The following CDH13 variants were observed in gnomAD, a reference collection of about 807,000 sequenced individuals.
The protein encoded by CDH13 is cadherin 13, also known as cadherin-13.
A neutral mutation model predicts 63.8 loss-of-function variants in CDH13; 24 were observed. The observed-to-expected ratio is 0.38, with a 90% CI of 0.27 to 0.53. The LOEUF is 0.53. CDH13 is among the 20% of genes least tolerant of loss of function. The pLI is 0.85. For missense variants in CDH13, 1,049 were observed against 903.1 expected (o/e 1.16, Z -2.07); for synonymous variants, 503 against 355.3 (o/e 1.42, Z -4.67).
intron 5 of CDH13, among the ~76,000 whole-genome samples, chr16:83,237,329 A>G (rs559033464): frequency 4.5e-4 from 68 of 152,308 alleles, no homozygotes; most frequent in African/African-American, 1.5e-3. Flanking sequence ...AGCAGAAGCT[A>G]GTGACCACGA....
intron 1 of CDH13, among the ~76,000 whole-genome samples, chr16:82,685,058 G>T (rs899911006): frequency 2.0e-5 from 3 of 152,214 alleles, no homozygotes; most frequent in Admixed American, 1.3e-4. Flanking sequence ...CGGTAAACCT[G>T]CAATAACTCA....
intron 6 of CDH13, among the ~76,000 whole-genome samples, chr16:83,409,880 C>T (rs2092101736): frequency 1.3e-5 from 2 of 152,152 alleles, no homozygotes; most frequent in African/African-American, 2.4e-5. Flanking sequence ...TGTCCAGTTG[C>T]TTAACCAGAT....
intron 2 of CDH13, among the ~76,000 whole-genome samples, chr16:82,934,511 T>A (rs182928491): frequency 6.6e-6 from 1 of 152,340 alleles, no homozygotes; most frequent in Non-Finnish European, 1.5e-5. Flanking sequence ...ATTGTCTTGG[T>A]GATTAACATT....
intron 11 of CDH13, 150 bp downstream of exon 11, chr16:83,748,400 G>C: frequency 1.5e-6 from 1 of 664,720 alleles, no homozygotes; most frequent in Non-Finnish European, 2.5e-6. Context: ...ATATACACAT[G>C]TTGAGTTCAG....
intron 4 of CDH13, among the ~76,000 whole-genome samples, chr16:83,147,112 A>G (rs13337845): frequency 0.015 from 2,276 of 152,224 alleles, 65 homozygotes; most frequent in African/African-American, 0.052. Context: ...TGGAGGCTGC[A>G]CTCCAAAGGT....
At chr16:82,698,835 G>A (rs1378286869) in intron 1 of CDH13, among the ~76,000 whole-genome samples, 2 of 152,160 alleles carry the variant, frequency 1.3e-5, no homozygotes. Context: ...CCTTTAAAAG[G>A]ACAGATAGTA....
chr16:83,685,950 T>C (rs1292564448), intron 10 of CDH13, among the ~76,000 whole-genome samples: 1 of 152,230 alleles, frequency 6.6e-6, no homozygotes, highest in East Asian at 1.9e-4. Flanking sequence ...ACTAGGATGA[T>C]TAAAATACCT....
chr16:83,706,287 C>T (rs1395042835), intron 10 of CDH13, among the ~76,000 whole-genome samples: 1 of 152,182 alleles, frequency 6.6e-6, no homozygotes. Context: ...TTCTCTTTCG[C>T]CTTTTATGAT....
intron 2 of CDH13, among the ~76,000 whole-genome samples, chr16:82,928,066 C>G (rs541072198): frequency 6.6e-6 from 1 of 151,930 alleles, no homozygotes. Flanking sequence ...TGCCTCTCAG[C>G]GAGAGTAGCA....
intron 3 of CDH13, among the ~76,000 whole-genome samples, chr16:83,040,673 A>T (rs1214686246): frequency 1.3e-5 from 2 of 152,286 alleles, no homozygotes; most frequent in East Asian, 3.9e-4. Flanking sequence ...ACTGACTCAC[A>T]TGTTAATATC....
chr16:83,458,745 G>A lies in CDH13; in HGVS notation c.782-27732G>A, dbSNP rs1017045994. On this transcript the variant is annotated intron_variant, in intron 6 of 13. Coordinates refer to ENST00000567109, the MANE Select transcript of CDH13 (RefSeq NM_001257.5). ...ATACTGACACTTCTCAGTCCTGTTGGATGAATTCCCAATGGTGCGATTGCT... is the reference window on the plus strand; with the variant it reads ...ATACTGACACTTCTCAGTCCTGTTGAATGAATTCCCAATGGTGCGATTGCT... Among the ~76,000 whole-genome samples the A allele has an allele frequency of 1.3e-5, 2 of 152,114 alleles. 1 individual carries two copies. Among genetic ancestry groups the A allele is most frequent in the South Asian group, 4.2e-4 (2 of 4,812 alleles).
chr16:83,401,278 G>T (rs1389830505), intron 6 of CDH13, among the ~76,000 whole-genome samples: 2 of 151,742 alleles, frequency 1.3e-5, no homozygotes, highest in South Asian at 4.1e-4. Flanking sequence ...GGCAGAGGTT[G>T]CAGTAAGCCG....
intron 1 of CDH13, among the ~76,000 whole-genome samples, chr16:82,636,047 A>T (rs1908615520): frequency 1.3e-5 from 2 of 152,100 alleles, no homozygotes; most frequent in Non-Finnish European, 2.9e-5. Flanking sequence ...TTTATAAATT[A>T]CCCAGTCCCA....
intron 8 of CDH13, among the ~76,000 whole-genome samples, chr16:83,617,636 T>C (rs1477622123): frequency 2.0e-5 from 3 of 151,454 alleles, no homozygotes; most frequent in Non-Finnish European, 1.5e-5. Context: ...TTCTAATATA[T>C]ATTTCTAATA....
At chr16:83,117,719 T>A (rs2035372970) in intron 3 of CDH13, among the ~76,000 whole-genome samples, 1 of 152,180 alleles carries the variant, frequency 6.6e-6, no homozygotes, top group Non-Finnish European at 1.5e-5. Flanking sequence ...TCTCGCTCCT[T>A]CTCACGTTCT....
intron 1 of CDH13, among the ~76,000 whole-genome samples, chr16:82,817,918 TATGCACAC>T (rs1352720477): frequency 6.6e-6 from 1 of 151,574 alleles, no homozygotes. Flanking sequence ...TACATGCACA[TATGCACAC>T]ACCTATAATT....
At chr16:83,513,787 G>A (rs1054507395) in intron 7 of CDH13, among the ~76,000 whole-genome samples, 1 of 152,134 alleles carries the variant, frequency 6.6e-6, no homozygotes, top group African/African-American at 2.4e-5. Flanking sequence ...TTTGGGTGGG[G>A]ACACGGCCAA....
intron 1 of CDH13, among the ~76,000 whole-genome samples, chr16:82,680,236 C>G (rs1914398841): frequency 6.6e-6 from 1 of 152,324 alleles, no homozygotes; most frequent in African/African-American, 2.4e-5. Flanking sequence ...ATGAGAGTTA[C>G]TGCCATAACT....
At chr16:83,717,027 AG>A (rs11337708) in intron 10 of CDH13, 18,924 of 154,196 alleles carry the variant, frequency 0.12, 1,415 homozygotes, top group African/African-American at 0.21. Context: ...CAGGTGGATT[AG>A]TTGAGGTCAG....
Sources: allele counts gnomAD v4.1 joint callset (sites outside exome capture counted in the v4.1 genomes callset), GRCh38; gene constraint gnomAD v4.1.1; transcripts MANE v1.5; gene names NCBI Gene and HGNC (gene_info 2026-07-23, HGNC 2026-07-21).